The following DYRK4 variants were observed in gnomAD, a reference collection of about 807,000 sequenced individuals.
The protein encoded by DYRK4 is dual specificity tyrosine-phosphorylation-regulated kinase 4.
A neutral mutation model predicts 68.3 loss-of-function variants in DYRK4; 64 were observed. That is an observed-to-expected ratio of 0.94 (90% CI 0.77 to 1.15). The LOEUF is 1.15. DYRK4 is among the 50% of genes most tolerant of loss of function. DYRK4 has a pLI of 0.00. For synonymous variants in DYRK4, 274 were observed against 289.9 expected, an observed-to-expected ratio of 0.95 and a Z score of 0.56; for missense variants, 740 against 764.7, an observed-to-expected ratio of 0.97 and a Z score of 0.38.
chr12:4,596,029 GTAGT>G (rs1333305215), intron 6 of DYRK4, 116 bp from the exon 7 acceptor site: 3 of 1,066,576 alleles, frequency 2.8e-6, no homozygotes, highest in Non-Finnish European at 4.1e-6. Context: ...AGTGCCCAGT[GTAGT>G]TAGAAAATTC....
chr12:4,609,427 G>C (rs1165140402), intron 12 of DYRK4, among the ~76,000 whole-genome samples: 1 of 152,220 alleles, frequency 6.6e-6, no homozygotes, highest in Non-Finnish European at 1.5e-5. Context: ...GGGAAACACG[G>C]TTGTCCACTT....
At chr12:4,565,523 T>G (rs1020482563) in intron 1 of DYRK4, among the ~76,000 whole-genome samples, 1 of 152,218 alleles carries the variant, frequency 6.6e-6, no homozygotes, top group African/African-American at 2.4e-5. Context: ...CGAGGCTCCA[T>G]GATTCCTCAG....
At chr12:4,569,972 G>A (rs1005987738) in intron 2 of DYRK4, among the ~76,000 whole-genome samples, 1 of 151,560 alleles carries the variant, frequency 6.6e-6, no homozygotes, top group African/African-American at 2.4e-5. Flanking sequence ...GGAGGCTGAG[G>A]TAGGAGGATC....
intron 2 of DYRK4, among the ~76,000 whole-genome samples, chr12:4,574,266 T>C (rs11063241): frequency 0.017 from 2,565 of 151,036 alleles, 80 homozygotes; most frequent in African/African-American, 0.058. Flanking sequence ...AGCAGTCCCA[T>C]GTGTGTCCCT....
intron 13 of DYRK4, 97 bp from the exon 14 acceptor site, chr12:4,612,446 A>G (rs1036059736): frequency 3.8e-6 from 5 of 1,305,188 alleles, no homozygotes; most frequent in Middle Eastern, 2.8e-4. Context: ...AGATATCAAC[A>G]TAGCTTAAAT....
intron 10 of DYRK4, chr12:4,602,252 G>T: frequency 9.4e-7 from 1 of 1,068,314 alleles, no homozygotes. Context: ...TCTAAGACCT[G>T]CTCTCTTTTC....
Position 4,598,960 on chromosome 12 carries a change from T to C in DYRK4, c.906-68T>C, listed in dbSNP as rs140887042. 215 of 1,567,752 alleles carry C rather than the reference T, an allele frequency of 1.4e-4. No individual in the cohort carries two copies. In the African/African-American group the frequency reaches 2.3e-3, roughly 17 times the overall value. ...GGAAACCAGGTGATACAAGATTGTTTGCAGGTTCAAACTCAGCCTTATATG... is the reference window on the plus strand; with the variant it reads ...GGAAACCAGGTGATACAAGATTGTTCGCAGGTTCAAACTCAGCCTTATATG... On this transcript the variant is annotated intron_variant, in intron 8 of 14. Coordinates refer to ENST00000543431, the MANE Select transcript of DYRK4 (RefSeq NM_001394779.1).
intron 8 of DYRK4, among the ~76,000 whole-genome samples, chr12:4,598,436 G>T (rs569114708): frequency 6.6e-6 from 1 of 152,148 alleles, no homozygotes; most frequent in Non-Finnish European, 1.5e-5. Context: ...TCTAACATTC[G>T]TAAGTCTGTA....
intron 2 of DYRK4, among the ~76,000 whole-genome samples, chr12:4,578,592 T>C (rs1398330389): frequency 6.6e-6 from 1 of 152,274 alleles, no homozygotes; most frequent in Non-Finnish European, 1.5e-5. Flanking sequence ...TTGGATATTA[T>C]ATTTGGAAAT....
chr12:4,581,992 C>A (rs765337783), intron 2 of DYRK4, among the ~76,000 whole-genome samples: 59 of 152,132 alleles, frequency 3.9e-4, no homozygotes, highest in Admixed American at 2.8e-3. Flanking sequence ...GCCTGAGGCA[C>A]CTTTATACAG....
Position 4,591,346 on chromosome 12 carries a change from C to G in DYRK4, c.463+48C>G, listed in dbSNP as rs377229666. ...GGGTGGGGAGGTGCTTATGGAAGGT[C>G]GGGGTGTTAAGAGCTAAGCTGCGCT... On this transcript the variant is annotated intron_variant, in intron 5 of 14. Coordinates refer to ENST00000543431, the MANE Select transcript of DYRK4 (RefSeq NM_001394779.1). The surrounding 1 kb of genome is among the most constrained non-coding windows in gnomAD (Gnocchi z 4.1). The G allele has an allele frequency of 1.1e-5, 17 of 1,601,566 alleles. No homozygotes were observed. The highest frequency in any genetic ancestry group is 2.7e-5 in the African/African-American group (2 of 74,542).
chr12:4,563,047 C>T (rs1048392963), intron 1 of DYRK4: 5 of 455,926 alleles, frequency 1.1e-5, no homozygotes, highest in Admixed American at 2.4e-5. Context: ...ATTCAAGCTT[C>T]ACTGTCCAGG....
intron 13 of DYRK4, 73 bp from the exon 14 acceptor site, chr12:4,612,470 G>C: frequency 2.1e-6 from 3 of 1,442,352 alleles, no homozygotes; most frequent in Non-Finnish European, 2.8e-6. Flanking sequence ...AATCTTTATT[G>C]GGTTTTAAAA....
chr12:4,575,523 A>C (rs1306466643), intron 2 of DYRK4, among the ~76,000 whole-genome samples: 1 of 151,830 alleles, frequency 6.6e-6, no homozygotes, highest in Non-Finnish European at 1.5e-5. Context: ...GTTGGCCAGG[A>C]TGGTCTTGAT....
At chr12:4,569,571 A>G (rs903420760) in intron 2 of DYRK4, among the ~76,000 whole-genome samples, 3 of 152,188 alleles carry the variant, frequency 2.0e-5, no homozygotes, top group Non-Finnish European at 2.9e-5. Context: ...CCAGGGTCAT[A>G]ATGCCAGTGA....
Position 4,591,502 on chromosome 12 carries a change from C to T in DYRK4, c.463+204C>T. ...AGGCTGAATAGGAGGCTGAATTTCC[C>T]CCAAGGAGTGGCTCTGGGCAAGGGC... On this transcript the variant is annotated intron_variant, in intron 5 of 14. Coordinates refer to ENST00000543431, the MANE Select transcript of DYRK4 (RefSeq NM_001394779.1). This position sits in a 1 kb window ranked among gnomAD's most constrained non-coding sequence, Gnocchi z 4.1. 1.5e-5 allele frequency: 10 copies of T among 675,232 alleles called. No individual in the cohort carries two copies. The highest frequency in any genetic ancestry group is 2.3e-5 in the Non-Finnish European group (10 of 429,828). 41.8% of individuals were successfully genotyped at this position (675,232 alleles called of 1,614,324 possible). A position where few individuals can be genotyped will look rare whatever the true frequency, so the allele number is the denominator to read the frequency against.
At chr12:4,590,190 C>T (rs1944937768) in intron 3 of DYRK4, 140 bp from the exon 4 acceptor site, 14 of 1,396,060 alleles carry the variant, frequency 1.0e-5, no homozygotes, top group Non-Finnish European at 1.3e-5. Flanking sequence ...TTGCCAAGAA[C>T]TTTAAGAATA....
intron 4 of DYRK4, 102 bp downstream of exon 4, chr12:4,590,542 A>C (rs1020078960): frequency 6.8e-7 from 1 of 1,472,606 alleles, no homozygotes; most frequent in Non-Finnish European, 8.9e-7. Flanking sequence ...AAAGCACAGT[A>C]GCTGCTGAAG....
intron 2 of DYRK4, among the ~76,000 whole-genome samples, chr12:4,578,396 C>A (rs1944809849): frequency 6.6e-6 from 1 of 152,026 alleles, no homozygotes; most frequent in African/African-American, 2.4e-5. Flanking sequence ...TTATTAAGCC[C>A]ATTCATTTGG....
Sources: allele counts gnomAD v4.1 joint callset (sites outside exome capture counted in the v4.1 genomes callset), GRCh38; gene constraint gnomAD v4.1.1; non-coding constraint Gnocchi (gnomAD v3.1); transcripts MANE v1.5; gene names NCBI Gene and HGNC (gene_info 2026-07-23, HGNC 2026-07-21).